The following YIPF7 variants were observed in gnomAD, a reference collection of about 807,000 sequenced individuals.
YIPF7 encodes the protein Yip1 domain family member 7.
Under a neutral mutation model 27.2 loss-of-function variants are expected in YIPF7, and 35 were observed. The observed-to-expected ratio is 1.29, with a 90% confidence interval of 0.98 to 1.70. The LOEUF (loss-of-function observed/expected upper bound fraction) is 1.70, where lower values mean the gene tolerates loss of function less well. YIPF7 is among the 40% of genes most tolerant of loss of function. YIPF7 has a pLI of 0.00. For missense variants in YIPF7, 358 were observed against 303.7 expected, an observed-to-expected ratio of 1.18 and a Z score of -1.33; for synonymous variants, 137 against 110.4, an observed-to-expected ratio of 1.24 and a Z score of -1.51.
chr4:44,652,490 T>C (rs1167024489), upstream of YIPF7, among the ~76,000 whole-genome samples: 1 of 152,242 alleles, frequency 6.6e-6, no homozygotes, highest in African/African-American at 2.4e-5. Flanking sequence ...AGGCAGATAA[T>C]TTGGCACTTA....
chr4:44,652,525 C>A (rs189390980), upstream of YIPF7, among the ~76,000 whole-genome samples: 2 of 152,348 alleles, frequency 1.3e-5, no homozygotes, highest in African/African-American at 4.8e-5. Flanking sequence ...GAGCCAACAG[C>A]AGAATGCTGG....
rs949849979 is a variant in YIPF7, at chr4:44,636,077, G to C, written c.125C>G (p.Ala42Gly). The stretch of plus-strand genomic sequence containing the variant: ...GGAGGCAGGCTGAGGCTGCTCACCA[G>C]CTTGTTGTCTAGAAAAAGAAAAATA... ...GNLYGSRKQQ[A>G]GEQPQPASFV... The change falls in exon 3 of 6, where the codon GCT becomes GGT. Residue 42 changes from alanine to glycine, a missense_variant. Transcript: ENST00000415895. 17 of 1,602,490 alleles carry C rather than the reference G, an allele frequency of 1.1e-5. No homozygotes were observed. The highest frequency in any genetic ancestry group is 3.4e-5 in the Admixed American group (2 of 58,378).
chr4:44,650,162 T>A, intron 1 of YIPF7, 61 bp from the exon 2 acceptor site: 1 of 1,007,492 alleles, frequency 9.9e-7, no homozygotes, highest in Non-Finnish European at 1.5e-6. Flanking sequence ...GTTTGAGATA[T>A]TTACAAACAT....
intron 3 of YIPF7, among the ~76,000 whole-genome samples, chr4:44,635,245 T>C (rs1713073728): frequency 6.6e-6 from 1 of 152,080 alleles, no homozygotes; most frequent in Admixed American, 6.6e-5. Flanking sequence ...TGTATTAACA[T>C]TGTTTAAGAG....
intron 5 of YIPF7, among the ~76,000 whole-genome samples, chr4:44,623,478 C>T (rs1712515107): frequency 6.6e-6 from 1 of 152,152 alleles, no homozygotes; most frequent in South Asian, 2.1e-4. Context: ...CTTACTTGAT[C>T]TTGGTTTGAC....
At chr4:44,655,380 A>G (rs1292185035), upstream of YIPF7, among the ~76,000 whole-genome samples, 2 of 152,022 alleles carry the variant, frequency 1.3e-5, no homozygotes, top group Non-Finnish European at 2.9e-5. Context: ...AGTCTGAAGC[A>G]TCAATTCTCT....
In YIPF7 at chr4:44,629,414, TG is replaced by T. The variant is rs1712795353; in HGVS notation, c.414del (p.Thr139ProfsTer16). The T allele has an allele frequency of 1.3e-6, 2 of 1,590,168 alleles. No homozygotes were observed. The highest frequency in any genetic ancestry group is 1.4e-5 in the African/African-American group (1 of 73,996). On this transcript the variant is annotated frameshift_variant, in exon 4 of 6. Transcript: ENST00000415895. LOFTEE classifies it high-confidence loss of function. ...CTGTGACACATTACCAGAAGCAAGG[TG>T]GCTCCCAGGGCTACGCAAAAAAGAA... ...GPILFCVALGATLLLAGKVQF... is the reference protein window; with the variant it reads ...GPILFCVALGXTLLLAGKVQF...
In YIPF7 at chr4:44,629,444, G is replaced by A; in HGVS notation, c.385C>T (p.Pro129Ser). ...SIMNETDLTG[P>S]ILFCVALGAT... ...CCCAGGGCTACGCAAAAAAGAATGGGTCCAGTGAGGTCCGTTTCATTCATA... is the reference window on the plus strand; with the variant it reads ...CCCAGGGCTACGCAAAAAAGAATGGATCCAGTGAGGTCCGTTTCATTCATA... The change falls in exon 4 of 6, where the codon CCC becomes TCC. Residue 129 changes from proline to serine, a missense_variant. Coordinates refer to ENST00000415895, the MANE Select transcript of YIPF7 (RefSeq NM_182592.3). The A allele has an allele frequency of 1.2e-6, 2 of 1,601,996 alleles. No individual in the cohort carries two copies. Among genetic ancestry groups the A allele is most frequent in the East Asian group, 2.3e-5 (1 of 44,386 alleles).
At chr4:44,660,250 T>A (rs959046467) in intron 2 of YIPF7, among the ~76,000 whole-genome samples, 1 of 151,854 alleles carries the variant, frequency 6.6e-6, no homozygotes, top group Admixed American at 6.6e-5. Context: ...TAGCTACACA[T>A]TCTTTGATAC....
intron 2 of YIPF7, among the ~76,000 whole-genome samples, chr4:44,658,471 T>C (rs1248033647): frequency 6.6e-6 from 1 of 152,136 alleles, no homozygotes; most frequent in East Asian, 1.9e-4. Flanking sequence ...CTAATAATGG[T>C]TCTACGCATC....
intron 4 of YIPF7, among the ~76,000 whole-genome samples, chr4:44,625,957 G>A (rs1436155141): frequency 2.6e-5 from 4 of 152,146 alleles, no homozygotes; most frequent in African/African-American, 9.7e-5. Context: ...ATTGATTCAG[G>A]AGAGAAGGAG....
At chr4:44,648,683 C>T (rs938290349) in intron 2 of YIPF7, among the ~76,000 whole-genome samples, 45 of 152,212 alleles carry the variant, frequency 3.0e-4, no homozygotes, top group African/African-American at 9.9e-4. Context: ...TTGTAAGTCA[C>T]ATTTATATGA....
At chr4:44,655,673 T>C (rs1180773139), upstream of YIPF7, among the ~76,000 whole-genome samples, 1 of 152,100 alleles carries the variant, frequency 6.6e-6, no homozygotes, top group Non-Finnish European at 1.5e-5. Flanking sequence ...AATGCACATC[T>C]GCATTAATTC....
intron 2 of YIPF7, among the ~76,000 whole-genome samples, chr4:44,644,540 G>A (rs4695029): frequency 1.6e-4 from 24 of 152,226 alleles, no homozygotes; most frequent in African/African-American, 5.8e-4. Flanking sequence ...ATCCCTTTTA[G>A]AATGCCTACA....
intron 3 of YIPF7, among the ~76,000 whole-genome samples, chr4:44,630,199 C>A (rs1477487193): frequency 6.6e-6 from 1 of 152,116 alleles, no homozygotes; most frequent in African/African-American, 2.4e-5. Flanking sequence ...AGCTCCTGGG[C>A]TCCAGGGAGC....
upstream of YIPF7, among the ~76,000 whole-genome samples, chr4:44,654,287 C>T (rs1053889099): frequency 2.6e-5 from 4 of 151,032 alleles, no homozygotes; most frequent in Non-Finnish European, 5.9e-5. Context: ...GTCACAGTGT[C>T]ATCAATTATT....
chr4:44,656,235 A>T (rs1236350485), upstream of YIPF7, among the ~76,000 whole-genome samples: 1 of 152,052 alleles, frequency 6.6e-6, no homozygotes, highest in Non-Finnish European at 1.5e-5. Flanking sequence ...ATGTAACAAG[A>T]AGTCAAATTT....
intron 2 of YIPF7, among the ~76,000 whole-genome samples, chr4:44,656,910 C>G (rs1225321215): frequency 6.6e-6 from 1 of 152,108 alleles, no homozygotes; most frequent in Non-Finnish European, 1.5e-5. Context: ...ACTATTTTGA[C>G]TAAAATCCTT....
At chr4:44,640,698 C>A (rs16857297) in intron 2 of YIPF7, among the ~76,000 whole-genome samples, 2,607 of 152,256 alleles carry the variant, frequency 0.017, 77 homozygotes, top group African/African-American at 0.056. Flanking sequence ...CTTAGCTCAA[C>A]ACTAAGCCTT....
Sources: allele counts gnomAD v4.1 joint callset (sites outside exome capture counted in the v4.1 genomes callset), GRCh38; gene constraint gnomAD v4.1.1; transcripts MANE v1.5; gene names NCBI Gene and HGNC (gene_info 2026-07-23, HGNC 2026-07-21).